The following PALLD variants were observed in gnomAD, a reference collection of about 807,000 sequenced individuals.
PALLD encodes the protein palladin.
A neutral mutation model predicts 123.5 loss-of-function variants in PALLD; 61 were observed. The observed-to-expected ratio is 0.49, with a 90% CI of 0.40 to 0.61. PALLD has a LOEUF of 0.61. PALLD is among the 20% of genes least tolerant of loss of function. The pLI, the probability that PALLD is intolerant of heterozygous loss-of-function variation, is 0.00. For synonymous variants in PALLD, 465 were observed against 496.4 expected (o/e 0.94, Z 0.84); for missense variants, 1,273 against 1,377.0 (o/e 0.92, Z 1.20).
intron 10 of PALLD, among the ~76,000 whole-genome samples, chr4:168,725,754 C>G (rs997549974): frequency 1.3e-5 from 2 of 151,994 alleles, no homozygotes; most frequent in African/African-American, 4.8e-5. Flanking sequence ...TCTCGATTTC[C>G]TGACCTCATG....
At chr4:168,704,758 A>G (rs1157558157) in intron 8 of PALLD, among the ~76,000 whole-genome samples, 1 of 152,038 alleles carries the variant, frequency 6.6e-6, no homozygotes, top group Non-Finnish European at 1.5e-5. Context: ...AATCTTAAGA[A>G]TAAAGAAAAA....
intron 1 of PALLD, among the ~76,000 whole-genome samples, chr4:168,502,909 A>G (rs577814340): frequency 6.6e-6 from 1 of 152,278 alleles, no homozygotes; most frequent in East Asian, 1.9e-4. Flanking sequence ...CACTCAAAAG[A>G]GCAGAATAAC....
intron 2 of PALLD, among the ~76,000 whole-genome samples, chr4:168,625,246 A>G (rs2149807125): frequency 6.6e-6 from 1 of 152,206 alleles, no homozygotes; most frequent in African/African-American, 2.4e-5. Context: ...TATAATGTCC[A>G]GAAATAGACT....
intron 10 of PALLD, among the ~76,000 whole-genome samples, chr4:168,807,204 G>C (rs1209023394): frequency 6.6e-6 from 1 of 152,008 alleles, no homozygotes; most frequent in South Asian, 2.1e-4. Context: ...GGAGTGGTGA[G>C]GAGATTCATG....
intron 10 of PALLD, among the ~76,000 whole-genome samples, chr4:168,743,648 G>C (rs957828137): frequency 6.6e-6 from 1 of 152,100 alleles, no homozygotes; most frequent in Non-Finnish European, 1.5e-5. Flanking sequence ...GCTCACCCTG[G>C]TCTCTGTTAT....
intron 2 of PALLD, among the ~76,000 whole-genome samples, chr4:168,599,462 C>T (rs1296481530): frequency 6.6e-6 from 1 of 152,178 alleles, no homozygotes; most frequent in Non-Finnish European, 1.5e-5. Flanking sequence ...TACAGATAGA[C>T]TGTCACAGAC....
At chr4:168,887,342 T>C (rs1753515144) in intron 10 of PALLD, among the ~76,000 whole-genome samples, 1 of 152,154 alleles carries the variant, frequency 6.6e-6, no homozygotes, top group Non-Finnish European at 1.5e-5. Flanking sequence ...CTACAGTGAA[T>C]AGACAGGTAT....
chr4:168,592,652 C>T (rs1235100827), intron 2 of PALLD, among the ~76,000 whole-genome samples: 5 of 151,996 alleles, frequency 3.3e-5, no homozygotes, highest in Non-Finnish European at 7.4e-5. Flanking sequence ...TCTTATTTGA[C>T]TTGACCCTAA....
At chr4:168,918,543 A>C (rs193017909) in intron 17 of PALLD, among the ~76,000 whole-genome samples, 1 of 152,310 alleles carries the variant, frequency 6.6e-6, no homozygotes, top group Admixed American at 6.5e-5. Context: ...GGAGAGGGAA[A>C]GTTGGGGAAA....
chr4:168,608,155 A>G (rs527589970), intron 2 of PALLD, among the ~76,000 whole-genome samples: 1 of 152,346 alleles, frequency 6.6e-6, no homozygotes. Context: ...CATTGGGAGC[A>G]GCGCTGGCAA....
chr4:168,794,144 G>A (rs1254616109), intron 10 of PALLD, among the ~76,000 whole-genome samples: 8 of 152,086 alleles, frequency 5.3e-5, no homozygotes, highest in African/African-American at 1.7e-4. Flanking sequence ...TCTCAGTTAG[G>A]TTCCCTCCCC....
chr4:168,822,611 A>C (rs1194664338), intron 10 of PALLD, among the ~76,000 whole-genome samples: 1 of 152,218 alleles, frequency 6.6e-6, no homozygotes, highest in East Asian at 1.9e-4. Flanking sequence ...AAGGGTATCC[A>C]AATGAATTAA....
At chr4:168,878,688 G>GC (rs1752196338) in intron 10 of PALLD, among the ~76,000 whole-genome samples, 1 of 150,382 alleles carries the variant, frequency 6.6e-6, no homozygotes, top group East Asian at 2.0e-4. Context: ...ATTATGGGGG[G>GC]GGGGGTGCTT....
intron 8 of PALLD, among the ~76,000 whole-genome samples, chr4:168,702,348 C>A (rs189463513): frequency 6.6e-6 from 1 of 151,864 alleles, no homozygotes; most frequent in African/African-American, 2.4e-5. Flanking sequence ...GTCAGGAGTT[C>A]GAGACCAGCC....
Position 168,789,653 on chromosome 4 carries a change from G to A in PALLD, c.1964+77730G>A, listed in dbSNP as rs536193350. Among the ~76,000 whole-genome samples, 14 of 149,218 alleles carry A rather than the reference G, an allele frequency of 9.4e-5. No individual in the cohort carries two copies. The East Asian group carries it at 2.4e-3, about 25-fold the overall frequency. ...CAGGAGGCAGAGGTTGCAGTGAGCC[G>A]AGATCGTGCCACTGCATTCCAGCCT... is the stretch of plus-strand genomic sequence containing the variant. On this transcript the variant is annotated intron_variant, in intron 10 of 21. Coordinates refer to ENST00000505667, the MANE Select transcript of PALLD (RefSeq NM_001166108.2).
At chr4:168,593,719 G>T (rs1025463830) in intron 2 of PALLD, among the ~76,000 whole-genome samples, 1 of 152,146 alleles carries the variant, frequency 6.6e-6, no homozygotes, top group Non-Finnish European at 1.5e-5. Flanking sequence ...TGTACTTGAC[G>T]GTCAGATGTT....
chr4:168,674,441 G>C (rs1405231042), intron 3 of PALLD, among the ~76,000 whole-genome samples: 1 of 152,144 alleles, frequency 6.6e-6, no homozygotes, highest in Non-Finnish European at 1.5e-5. Flanking sequence ...ATCTGAGCCT[G>C]GGATACTCCT....
intron 10 of PALLD, among the ~76,000 whole-genome samples, chr4:168,743,242 G>A (rs891901669): frequency 3.8e-4 from 58 of 152,250 alleles, no homozygotes; most frequent in African/African-American, 1.1e-3. Context: ...TTTAATGGGT[G>A]GATTGAATTC....
At chr4:168,754,445 T>C (rs1221426140) in intron 10 of PALLD, among the ~76,000 whole-genome samples, 1 of 152,242 alleles carries the variant, frequency 6.6e-6, no homozygotes, top group Non-Finnish European at 1.5e-5. Context: ...ACAGTAAAAT[T>C]GCTGTTGACA....
Sources: gnomAD v4.1 joint callset for allele counts (sites outside exome capture counted in the v4.1 genomes callset) on GRCh38, gnomAD v4.1.1 for gene constraint, MANE v1.5 for transcripts, NCBI Gene and HGNC (gene_info 2026-07-23, HGNC 2026-07-21) for gene names.